NSD1: variants seen among roughly 807,000 people sequenced by gnomAD.
NSD1 encodes the protein nuclear receptor binding SET domain protein 1.
NSD1 carries 26 observed loss-of-function variants against 242.7 expected under a neutral mutation model. The observed-to-expected ratio is 0.11, with a 90% CI of 0.08 to 0.15. The LOEUF is 0.15. Ranked by LOEUF, NSD1 falls within the 10% of genes least tolerant of loss-of-function variation. The pLI, the probability that NSD1 is intolerant of heterozygous loss-of-function variation, is 1.00. For synonymous variants in NSD1, 1,106 were observed against 1,178.1 expected, an observed-to-expected ratio of 0.94 and a Z score of 1.25; for missense variants, 2,495 against 3,272.8, an observed-to-expected ratio of 0.76 and a Z score of 5.80.
At chr5:177,185,362 C>T (rs908433829) in intron 2 of NSD1, among the ~76,000 whole-genome samples, 7 of 151,676 alleles carry the variant, frequency 4.6e-5, no homozygotes, top group Admixed American at 6.6e-5. Context: ...ACTTGGGAGG[C>T]GGAGGCTGGT....
At chr5:177,170,197 C>T (rs1411407483) in intron 2 of NSD1, among the ~76,000 whole-genome samples, 1 of 151,796 alleles carries the variant, frequency 6.6e-6, no homozygotes, top group Non-Finnish European at 1.5e-5. Context: ...TGGTCTTGAT[C>T]TCCTGACCTC....
chr5:177,210,806 C>A lies in NSD1; in HGVS notation c.2407C>A (p.Pro803Thr), dbSNP rs1763279085. ...KHKENPVMAE[P>T]PVINEECSLK... ...CAAAGAAAATCCAGTTATGGCAGAA[C>A]CCCCAGTTATAAATGAGGAGTGCAG... Residue 803 changes from proline (P) to threonine (T), a missense_variant, in exon 5 of 23, where the codon CCC (proline) becomes ACC (threonine). This residue lies in a region of NSD1 where 515 missense variants were observed against 467.0 expected (regional missense o/e 1.10). Coordinates refer to ENST00000439151, the MANE Select transcript of NSD1 (RefSeq NM_022455.5). 1 of 1,613,964 alleles carries A rather than the reference C, an allele frequency of 6.2e-7. No homozygotes were observed. The highest frequency in any genetic ancestry group is 8.5e-7 in the Non-Finnish European group (1 of 1,180,018).
rs1763339252 is a variant in NSD1, at chr5:177,211,519, G to T, written c.3120G>T (p.Lys1040Asn). Reference protein sequence around the residue: ...LRDAFSAQMVKNTVNRKALKT... With the variant: ...LRDAFSAQMVNNTVNRKALKT... ...ATGCTTTTTCAGCCCAAATGGTAAAGAACACAGTGAACCGTAAAGCCTTAA... is the reference window on the plus strand; with the variant it reads ...ATGCTTTTTCAGCCCAAATGGTAAATAACACAGTGAACCGTAAAGCCTTAA... The change falls in exon 5 of 23, where the codon AAG becomes AAT. Residue 1040 changes from lysine (K) to asparagine (N), a missense_variant. Around this residue, in one of 19 missense-constraint regions of NSD1, gnomAD observed 426 missense variants for 411.4 expected, o/e 1.04. Transcript: ENST00000439151. 6.2e-7 allele frequency: 1 copy of T among 1,614,108 alleles called. No homozygotes were observed. Among genetic ancestry groups the T allele is most frequent in the Non-Finnish European group, 8.5e-7 (1 of 1,180,020 alleles).
chr5:177,175,929 G>A (rs1233016292), intron 2 of NSD1, among the ~76,000 whole-genome samples: 2 of 150,776 alleles, frequency 1.3e-5, no homozygotes, highest in African/African-American at 4.9e-5. Context: ...ATGTTGGAGT[G>A]CAGTGGCGCC....
At chr5:177,200,845 T>C (rs892340952) in intron 3 of NSD1, among the ~76,000 whole-genome samples, 2 of 152,198 alleles carry the variant, frequency 1.3e-5, no homozygotes, top group Non-Finnish European at 2.9e-5. Flanking sequence ...GTTTTCCTTT[T>C]GGCCATTCTG....
chr5:177,287,396 T>TGG, intron 20 of NSD1, among the ~76,000 whole-genome samples: 1 of 152,248 alleles, frequency 6.6e-6, no homozygotes, highest in Non-Finnish European at 1.5e-5. Flanking sequence ...ATCCCAACAC[T>TGG]TTGGGAGGCC....
intron 2 of NSD1, among the ~76,000 whole-genome samples, chr5:177,148,912 G>A (rs1757472662): frequency 1.3e-5 from 2 of 152,116 alleles, no homozygotes; most frequent in South Asian, 4.1e-4. Context: ...TCTGCTTCCC[G>A]GCTTCAAGTG....
At position 177,180,764 on chromosome 5, in the gene NSD1, C is replaced by A. The variant is rs201013491; in HGVS notation, c.928-11120C>A. Among the ~76,000 whole-genome samples the A allele has an allele frequency of 7.9e-5, 12 of 151,354 alleles. No homozygotes were observed. The East Asian group carries it at 2.4e-3, about 30-fold the overall frequency. ...GTGACATGATCTCAGCTCACTGCAT[C>A]CTCCGCCTCCCGGGTTCAAGCGATT... is the stretch of plus-strand genomic sequence containing the variant. On this transcript the variant is annotated intron_variant, in intron 2 of 22. Transcript: ENST00000439151.
chr5:177,265,164 A>G, intron 14 of NSD1: 1 of 764,368 alleles, frequency 1.3e-6, no homozygotes. Flanking sequence ...TGCTCCACTC[A>G]GAGAAGCATA....
rs1232635107 is a variant in NSD1, at chr5:177,210,589, C to G, written c.2190C>G (p.Leu730=). Residue 730 remains leucine (L), a synonymous_variant, in exon 5 of 23, where the codon CTC becomes CTG. Transcript: ENST00000439151. ...EPGTETSQVN[L]SDLKASTLVH... ...GAACCGAGACGTCTCAGGTTAATCT[C>G]TCTGATCTGAAGGCATCTACTCTTG... is the stretch of plus-strand genomic sequence containing the variant. 5 of 1,614,122 alleles carry G rather than the reference C, an allele frequency of 3.1e-6. No individual in the cohort carries two copies. Among genetic ancestry groups the G allele is most frequent in the Non-Finnish European group, 3.4e-6 (4 of 1,180,024 alleles).
intron 2 of NSD1, among the ~76,000 whole-genome samples, chr5:177,188,306 A>G (rs1761395815): frequency 6.6e-6 from 1 of 152,000 alleles, no homozygotes; most frequent in Non-Finnish European, 1.5e-5. Flanking sequence ...TGTGGTCTGG[A>G]ATTCTTGCCT....
At chr5:177,141,319 C>CT (rs567992731) in intron 2 of NSD1, among the ~76,000 whole-genome samples, 1,454 of 97,002 alleles carry the variant, frequency 0.015, 356 homozygotes, top group African/African-American at 0.064. Context: ...CGCGCGCAGC[C>CT]TTTTTTTTTT....
Position 177,295,646 on chromosome 5 carries a change from G to C in NSD1, c.*187G>C. 1.4e-6 allele frequency: 1 copy of C among 693,008 alleles called. No individual in the cohort carries two copies. Among genetic ancestry groups the C allele is most frequent in the South Asian group, 1.7e-5 (1 of 58,674 alleles). 42.9% of individuals were successfully genotyped at this position (693,008 alleles called of 1,614,324 possible). A position where few individuals can be genotyped will look rare whatever the true frequency, so the allele number is the denominator to read the frequency against. ...TTAGCCAGTGGGGGCTTATGGTTGT[G>C]TGAACCATGTATGAAAATCCAGTGG... On this transcript the variant is annotated 3_prime_UTR_variant, in exon 23 of 23. Transcript: ENST00000439151. This position sits in a 1 kb window ranked among gnomAD's most constrained non-coding sequence, Gnocchi z 4.3.
chr5:177,233,542 T>TTC (rs1765220709), intron 5 of NSD1, among the ~76,000 whole-genome samples: 1 of 149,734 alleles, frequency 6.7e-6, no homozygotes, highest in East Asian at 1.9e-4. Flanking sequence ...CTAGTATTTT[T>TTC]TTTTTTTTTT....
chr5:177,265,573 G>T, intron 14 of NSD1: 1 of 1,193,540 alleles, frequency 8.4e-7, no homozygotes, highest in South Asian at 1.2e-5. Flanking sequence ...CCGGGCCTCA[G>T]CACATCCTGT....
chr5:177,276,657 T>A (rs1381376922), intron 17 of NSD1, among the ~76,000 whole-genome samples: 1 of 151,922 alleles, frequency 6.6e-6, no homozygotes, highest in East Asian at 1.9e-4. Flanking sequence ...CCCCCTTTAT[T>A]AGAGATGATG....
intron 19 of NSD1, 21 bp downstream of exon 19, chr5:177,282,602 T>C: frequency 6.9e-7 from 1 of 1,458,368 alleles, no homozygotes; most frequent in Non-Finnish European, 9.6e-7. Context: ...GGAAATGCTG[T>C]TTTCACTGTT....
At position 177,273,668 on chromosome 5, in the gene NSD1, A is replaced by G. The variant is rs1166098170; in HGVS notation, c.5510-4A>G. On this transcript the variant is annotated splice_region_variant and splice_polypyrimidine_tract_variant and intron_variant, in intron 16 of 22. Coordinates refer to ENST00000439151, the MANE Select transcript of NSD1 (RefSeq NM_022455.5). ...GAAGTGACTTGTGCTGTCTGTTTTC[A>G]TAGCTCTTCAGGAAGCTGCAGCAAG... is the stretch of plus-strand genomic sequence containing the variant. 5.0e-6 allele frequency: 8 copies of G among 1,605,732 alleles called. No homozygotes were observed. The highest frequency in any genetic ancestry group is 6.0e-6 in the Non-Finnish European group (7 of 1,172,696).
intron 2 of NSD1, among the ~76,000 whole-genome samples, chr5:177,164,016 C>T (rs1562140004): frequency 2.0e-5 from 3 of 151,974 alleles, no homozygotes; most frequent in African/African-American, 4.8e-5. Context: ...GACGTGGTCT[C>T]GCTCTGATGA....
Sources: gnomAD v4.1 joint callset for allele counts (sites outside exome capture counted in the v4.1 genomes callset) on GRCh38, gnomAD v4.1.1 for gene constraint, gnomAD v4.1.1 regional missense constraint, Gnocchi (gnomAD v3.1) non-coding constraint, MANE v1.5 for transcripts, NCBI Gene and HGNC (gene_info 2026-07-23, HGNC 2026-07-21) for gene names.